The following PPP1R42 variants were observed in gnomAD, a reference collection of about 807,000 sequenced individuals.
PPP1R42 encodes the protein leucine rich repeat containing 67.
Under a neutral mutation model 31.0 loss-of-function variants are expected in PPP1R42, and 34 were observed. The ratio of observed to expected loss-of-function variants is 1.10; its 90% CI spans 0.83 to 1.46. The LOEUF is 1.46. Ranked by LOEUF, PPP1R42 falls within the 40% of genes most tolerant of loss-of-function variation. PPP1R42 has a pLI of 0.00. For synonymous variants in PPP1R42, 103 were observed against 109.8 expected, an observed-to-expected ratio of 0.94 and a Z score of 0.39; for missense variants, 268 against 303.0, an observed-to-expected ratio of 0.88 and a Z score of 0.86.
chr8:66,997,226 A>C (rs1815359310), intron 5 of PPP1R42, among the ~76,000 whole-genome samples: 2 of 152,206 alleles, frequency 1.3e-5, no homozygotes, highest in East Asian at 3.8e-4. Context: ...CCCTATGTCA[A>C]TGCCACATTG....
intron 2 of PPP1R42, among the ~76,000 whole-genome samples, chr8:67,015,552 ATTCT>A (rs899447110): frequency 4.0e-5 from 6 of 151,716 alleles, no homozygotes; most frequent in Non-Finnish European, 5.9e-5. Flanking sequence ...ATAGGATTAC[ATTCT>A]TTCTTATTAT....
chr8:66,971,051 ATC>A, intron 7 of PPP1R42: 1 of 1,530,864 alleles, frequency 6.5e-7, no homozygotes, highest in Non-Finnish European at 8.7e-7. Context: ...TTTACAGGGT[ATC>A]TCTGTATTTC....
At chr8:66,984,354 G>T in intron 6 of PPP1R42, 1 of 1,293,782 alleles carries the variant, frequency 7.7e-7, no homozygotes. Context: ...CTCCCTTTGT[G>T]TTAGATGTCT....
intron 5 of PPP1R42, among the ~76,000 whole-genome samples, chr8:67,002,536 T>G (rs951697458): frequency 1.3e-5 from 2 of 152,168 alleles, no homozygotes; most frequent in African/African-American, 4.8e-5. Context: ...TTCTAGCAAT[T>G]TTACTGTAGT....
At chr8:66,974,461 G>T (rs1156953029) in intron 7 of PPP1R42, among the ~76,000 whole-genome samples, 1 of 152,138 alleles carries the variant, frequency 6.6e-6, no homozygotes, top group Non-Finnish European at 1.5e-5. Context: ...GGCTGAGGCA[G>T]GAGAATTGCT....
intron 5 of PPP1R42, among the ~76,000 whole-genome samples, chr8:66,991,406 C>T (rs1311301528): frequency 6.6e-6 from 1 of 152,142 alleles, no homozygotes; most frequent in Admixed American, 6.5e-5. Flanking sequence ...ACAGGAAAAA[C>T]ATGCAAAGAC....
chr8:66,965,734 A>G (rs1814364433), intron 7 of PPP1R42, among the ~76,000 whole-genome samples: 1 of 152,078 alleles, frequency 6.6e-6, no homozygotes, highest in Non-Finnish European at 1.5e-5. Flanking sequence ...CAGCCTGGAC[A>G]GTATAGTGAG....
At chr8:67,006,897 C>T (rs990904426) in intron 5 of PPP1R42, among the ~76,000 whole-genome samples, 7 of 150,118 alleles carry the variant, frequency 4.7e-5, no homozygotes, top group Non-Finnish European at 7.4e-5. Context: ...CAGGCGCCCA[C>T]ACACCCGGCT....
intron 1 of PPP1R42, among the ~76,000 whole-genome samples, chr8:67,025,052 C>T (rs954166105): frequency 2.0e-5 from 3 of 149,598 alleles, no homozygotes; most frequent in African/African-American, 7.4e-5. Context: ...ATTCTCCCAC[C>T]TCAGCCTCTT....
intron 5 of PPP1R42, among the ~76,000 whole-genome samples, chr8:66,989,721 C>T (rs1815133700): frequency 6.6e-6 from 1 of 152,072 alleles, no homozygotes. Context: ...TGAGGGATTC[C>T]AATAAGTAAT....
At chr8:66,993,522 G>C (rs950464373) in intron 5 of PPP1R42, among the ~76,000 whole-genome samples, 1 of 152,192 alleles carries the variant, frequency 6.6e-6, no homozygotes, top group East Asian at 1.9e-4. Context: ...GGCACATGCT[G>C]TTTTATTTGC....
At chr8:67,024,559 C>T (rs1816332423) in intron 1 of PPP1R42, among the ~76,000 whole-genome samples, 1 of 151,272 alleles carries the variant, frequency 6.6e-6, no homozygotes, top group African/African-American at 2.4e-5. Flanking sequence ...ACTGCAAGCT[C>T]CCCATCCCGG....
intron 1 of PPP1R42, among the ~76,000 whole-genome samples, chr8:67,025,945 CA>C (rs1218528837): frequency 3.6e-5 from 5 of 139,560 alleles, no homozygotes; most frequent in Non-Finnish European, 7.7e-5. Context: ...GCAGAGGTGG[CA>C]GTGAGCCCAG....
chr8:67,007,407 G>A (rs1265322422), intron 5 of PPP1R42, among the ~76,000 whole-genome samples: 1 of 152,192 alleles, frequency 6.6e-6, no homozygotes, highest in African/African-American at 2.4e-5. Flanking sequence ...CTGTCACCCA[G>A]GCTGGAGTGC....
chr8:66,971,466 C>T (rs1056506693), intron 7 of PPP1R42, among the ~76,000 whole-genome samples: 3 of 152,000 alleles, frequency 2.0e-5, no homozygotes, highest in Admixed American at 6.6e-5. Flanking sequence ...AATCGTGTAT[C>T]GTTTTGGGGA....
intron 7 of PPP1R42, among the ~76,000 whole-genome samples, chr8:66,969,283 T>C (rs1040251213): frequency 5.3e-5 from 8 of 152,232 alleles, no homozygotes; most frequent in Admixed American, 1.3e-4. Flanking sequence ...CTTGATGATA[T>C]ACTAGCAAGA....
intron 5 of PPP1R42, 113 bp downstream of exon 5, chr8:67,010,602 A>G (rs1815812332): frequency 1.4e-6 from 1 of 731,728 alleles, no homozygotes; most frequent in African/African-American, 1.8e-5. Context: ...CTAATTTTAG[A>G]ACAAATCCAG....
Position 67,014,490 on chromosome 8 carries a change from A to G in PPP1R42, c.232T>C (p.Tyr78His). ...CATGAAATACAATTGTTTTGTAGGT[A>G]CAAGTGGGTCAGATTTGTGGCATAA... is the stretch of plus-strand genomic sequence containing the variant. ...LNYATNLTHL[Y>H]LQNNCISCIE... The change falls in exon 3 of 8, where the codon TAC (tyrosine) becomes CAC (histidine). Residue 78 changes from tyrosine to histidine, a missense_variant. Physicochemically the swap from Tyr to His is moderately conservative, Grantham distance 83 (BLOSUM62 2). Coordinates refer to ENST00000685739, the MANE Select transcript of PPP1R42 (RefSeq NM_001364910.1). 1 of 1,596,974 alleles carries G rather than the reference A, an allele frequency of 6.3e-7. No homozygotes were observed. Among genetic ancestry groups the G allele is most frequent in the Non-Finnish European group, 8.6e-7 (1 of 1,169,346 alleles).
intron 7 of PPP1R42, chr8:66,971,114 C>G: frequency 1.3e-6 from 2 of 1,526,260 alleles, no homozygotes; most frequent in Non-Finnish European, 8.7e-7. Context: ...TAAACAGGAA[C>G]TATATGATGC....
Sources: gnomAD v4.1 joint callset for allele counts (sites outside exome capture counted in the v4.1 genomes callset) on GRCh38, gnomAD v4.1.1 for gene constraint, MANE v1.5 for transcripts, NCBI Gene and HGNC (gene_info 2026-07-23, HGNC 2026-07-21) for gene names.